The following CAAP1 variants were observed in gnomAD, a reference collection of about 807,000 sequenced individuals.
CAAP1 encodes the protein caspase activity and apoptosis inhibitor 1.
A neutral mutation model predicts 34.0 loss-of-function variants in CAAP1; 20 were observed. That is an observed-to-expected ratio of 0.59 (90% CI 0.41 to 0.86). CAAP1 has a LOEUF of 0.86. Ranked by LOEUF, CAAP1 falls within the 40% of genes least tolerant of loss-of-function variation. The pLI, the probability that CAAP1 is intolerant of heterozygous loss-of-function variation, is 0.00. For synonymous variants in CAAP1, 213 were observed against 166.7 expected (o/e 1.28, Z -2.14); for missense variants, 538 against 450.5 (o/e 1.19, Z -1.76).
rs757044408 is a variant in CAAP1, at chr9:26,892,694, G to C, written c.22C>G (p.Arg8Gly). 6.2e-7 allele frequency: 1 copy of C among 1,600,492 alleles called. No individual in the cohort carries two copies. Among genetic ancestry groups the C allele is most frequent in the Non-Finnish European group, 8.5e-7 (1 of 1,176,882 alleles). Residue 8 changes from arginine (R) to glycine (G), a missense_variant, in exon 1 of 6, where the codon CGG (arginine) becomes GGG (glycine). This residue lies in a region of CAAP1 where 514 missense variants were observed against 408.4 expected (regional missense o/e 1.26). Coordinates refer to ENST00000333916, the MANE Select transcript of CAAP1 (RefSeq NM_024828.4). Reference protein sequence around the residue: MTGKKSSREKRRKRSSQE... With the variant: MTGKKSSGEKRRKRSSQE... ...CTGCTACGTTTGCGCCGTTTCTCCC[G>C]GGAGGACTTTTTCCCCGTCATGATC...
intron 4 of CAAP1, among the ~76,000 whole-genome samples, chr9:26,872,553 A>ATATATATATATAT (rs560375272): frequency 7.0e-6 from 1 of 142,562 alleles, no homozygotes; most frequent in African/African-American, 2.7e-5. Flanking sequence ...ATATACATAT[A>ATATATATATATAT]ATATATATAT....
intron 5 of CAAP1, among the ~76,000 whole-genome samples, chr9:26,856,315 C>T (rs894185359): frequency 1.3e-5 from 2 of 152,002 alleles, no homozygotes; most frequent in Non-Finnish European, 2.9e-5. Context: ...ATTTTAATGA[C>T]TGTATTCAAA....
chr9:26,854,990 A>C (rs113906511), intron 5 of CAAP1, among the ~76,000 whole-genome samples: 1,910 of 152,326 alleles, frequency 0.013, 41 homozygotes, highest in African/African-American at 0.044. Context: ...ATTTCTTACA[A>C]AACTAAACTT....
chr9:26,883,354 T>C (rs1823647874), intron 4 of CAAP1, among the ~76,000 whole-genome samples: 1 of 152,204 alleles, frequency 6.6e-6, no homozygotes, highest in Non-Finnish European at 1.5e-5. Flanking sequence ...CATTCTCTCT[T>C]GCTGCCGCCA....
chr9:26,875,285 C>T (rs1416929519), intron 4 of CAAP1, among the ~76,000 whole-genome samples: 1 of 152,004 alleles, frequency 6.6e-6, no homozygotes, highest in Non-Finnish European at 1.5e-5. Flanking sequence ...ACTTGGAAGG[C>T]TAAGGTGGGA....
intron 5 of CAAP1, among the ~76,000 whole-genome samples, chr9:26,843,317 CATAA>C (rs1822522493): frequency 6.6e-6 from 1 of 152,138 alleles, no homozygotes; most frequent in Non-Finnish European, 1.5e-5. Context: ...ATGCTAACAA[CATAA>C]ATAAACACAG....
intron 4 of CAAP1, among the ~76,000 whole-genome samples, chr9:26,875,564 G>A (rs530507149): frequency 6.6e-6 from 1 of 152,262 alleles, no homozygotes; most frequent in African/African-American, 2.4e-5. Flanking sequence ...AAAGCTGTAT[G>A]TCTCAGTTGA....
chr9:26,852,685 TAGA>T (rs1822780497), intron 5 of CAAP1, among the ~76,000 whole-genome samples: 1 of 152,068 alleles, frequency 6.6e-6, no homozygotes, highest in Non-Finnish European at 1.5e-5. Context: ...AGACATGTGA[TAGA>T]TCAACACAGT....
chr9:26,858,783 A>G (rs980681265), intron 5 of CAAP1, among the ~76,000 whole-genome samples: 3 of 148,914 alleles, frequency 2.0e-5, no homozygotes, highest in Admixed American at 1.3e-4. Context: ...ATATTGCACC[A>G]CTGCACTCCA....
chr9:26,870,025 A>T (rs1313203634), intron 4 of CAAP1: 1 of 707,996 alleles, frequency 1.4e-6, no homozygotes, highest in East Asian at 1.3e-4. Context: ...AGGTTTCTGT[A>T]ATAGAAAGAA....
At chr9:26,872,573 T>TATATATATATATA (rs1563888449) in intron 4 of CAAP1, among the ~76,000 whole-genome samples, 1 of 149,644 alleles carries the variant, frequency 6.7e-6, no homozygotes, top group African/African-American at 2.5e-5. Flanking sequence ...TATATATATA[T>TATATATATATATA]TTAGACAGAG....
chr9:26,880,886 C>T (rs10812487), intron 4 of CAAP1, among the ~76,000 whole-genome samples: 18 of 151,800 alleles, frequency 1.2e-4, no homozygotes, highest in Non-Finnish European at 1.9e-4. Flanking sequence ...ATGTTGGCCA[C>T]GCTGGTCTCA....
intron 1 of CAAP1, among the ~76,000 whole-genome samples, chr9:26,891,518 A>G (rs1219772350): frequency 6.6e-6 from 1 of 152,210 alleles, no homozygotes; most frequent in Non-Finnish European, 1.5e-5. Context: ...CTCTCTCCCA[A>G]CATAACTCTT....
At chr9:26,843,901 G>T (rs1249114078) in intron 5 of CAAP1, among the ~76,000 whole-genome samples, 1 of 152,052 alleles carries the variant, frequency 6.6e-6, no homozygotes, top group African/African-American at 2.4e-5. Context: ...AATAGAACTT[G>T]TAAAAATAAG....
rs1822498120 is a variant in CAAP1 at position 26,842,241 on chromosome 9, C to T, written c.*60G>A. On this transcript the variant is annotated 3_prime_UTR_variant, in exon 6 of 6. Transcript: ENST00000333916. ...TAAGACCCCAAATAAATTTTAGATACAAAATTAAATGATGTGGCTTTGTTC... is the reference window on the plus strand; with the variant it reads ...TAAGACCCCAAATAAATTTTAGATATAAAATTAAATGATGTGGCTTTGTTC... 1 of 1,340,052 alleles carries T rather than the reference C, an allele frequency of 7.5e-7. No individual in the cohort carries two copies. The highest frequency in any genetic ancestry group is 2.4e-5 in the East Asian group (1 of 42,542). 83.0% of individuals were successfully genotyped at this position (1,340,052 alleles called of 1,614,324 possible).
chr9:26,857,444 C>T (rs1031720418), intron 5 of CAAP1, among the ~76,000 whole-genome samples: 4 of 152,140 alleles, frequency 2.6e-5, no homozygotes, highest in Non-Finnish European at 5.9e-5. Flanking sequence ...CTAGCCTGAC[C>T]AACATGGTAA....
At chr9:26,883,044 T>C (rs562988927) in intron 4 of CAAP1, among the ~76,000 whole-genome samples, 7 of 152,192 alleles carry the variant, frequency 4.6e-5, no homozygotes, top group Admixed American at 1.3e-4. Context: ...TACAGGCTCA[T>C]AGGCGGAAGG....
At chr9:26,877,946 T>A (rs1823484910) in intron 4 of CAAP1, among the ~76,000 whole-genome samples, 1 of 151,980 alleles carries the variant, frequency 6.6e-6, no homozygotes, top group African/African-American at 2.4e-5. Flanking sequence ...CTCCTTTCTA[T>A]GTTTCATTTT....
intron 4 of CAAP1, 141 bp from the exon 5 acceptor site, chr9:26,861,280 C>T: frequency 1.7e-6 from 1 of 581,070 alleles, no homozygotes; most frequent in South Asian, 2.6e-5. Context: ...TCAGTGTACT[C>T]TGGAAGCTCA....
Sources: gnomAD v4.1 joint callset for allele counts (sites outside exome capture counted in the v4.1 genomes callset) on GRCh38, gnomAD v4.1.1 for gene constraint, gnomAD v4.1.1 regional missense constraint, MANE v1.5 for transcripts, NCBI Gene and HGNC (gene_info 2026-07-23, HGNC 2026-07-21) for gene names.